The following GBF1 variants were observed in gnomAD, a reference collection of about 807,000 sequenced individuals.
GBF1 encodes golgi brefeldin A resistant guanine nucleotide exchange factor 1.
In GBF1, 114 loss-of-function variants were observed where a neutral mutation model predicts 210.5. That is an observed-to-expected ratio of 0.54 (90% confidence interval 0.47 to 0.63). The LOEUF (loss-of-function observed/expected upper bound fraction) is 0.63, where lower values mean the gene tolerates loss of function less well. Among genes scored for constraint, GBF1 ranks in the 30% least tolerant of loss-of-function variants. The probability of loss-of-function intolerance (pLI) is 0.00; values close to 1 mark genes in which losing one functional copy is unlikely to be tolerated. For synonymous variants in GBF1, 850 were observed against 889.2 expected (o/e 0.96, Z 0.78); for missense variants, 1,851 against 2,357.7 (o/e 0.79, Z 4.45).
intron 4 of GBF1, among the ~76,000 whole-genome samples, chr10:102,345,975 A>G (rs928063029): frequency 1.3e-5 from 2 of 152,134 alleles, no homozygotes; most frequent in Non-Finnish European, 2.9e-5. Context: ...ATAGTGTAAT[A>G]TAGATATAAC....
chr10:102,337,235 G>T (rs924569744), intron 3 of GBF1, among the ~76,000 whole-genome samples: 1 of 151,806 alleles, frequency 6.6e-6, no homozygotes, highest in South Asian at 2.1e-4. Context: ...AAAGTTAGCC[G>T]GGCATGGTGG....
At chr10:102,351,436 TACTC>T in intron 5 of GBF1, 62 bp downstream of exon 5, 2 of 904,516 alleles carry the variant, frequency 2.2e-6, no homozygotes, top group African/African-American at 1.6e-5. Context: ...AGACTCTACT[TACTC>T]TGCCCACAGC....
chr10:102,256,505 T>C (rs868201124), intron 1 of GBF1, among the ~76,000 whole-genome samples: 2 of 151,226 alleles, frequency 1.3e-5, no homozygotes, highest in African/African-American at 4.9e-5. Context: ...TACATTCTCT[T>C]TGTAAAAAAA....
intron 3 of GBF1, among the ~76,000 whole-genome samples, chr10:102,261,735 C>G (rs1268609022): frequency 6.6e-6 from 1 of 151,474 alleles, no homozygotes; most frequent in African/African-American, 2.4e-5. Context: ...GATTTTCGTG[C>G]CTCAGCCTCC....
Position 102,376,986 on chromosome 10 carries a change from G to A in GBF1, c.4340G>A (p.Gly1447Glu), listed in dbSNP as rs369284898. The change falls in exon 33 of 40, where the codon GGG (glycine) becomes GAG (glutamate). Residue 1447 changes from glycine (G) to glutamate (E), a missense_variant. Gly to Glu is a moderately conservative substitution (Grantham distance 98, BLOSUM62 -2). Around this residue, in one of 3 missense-constraint regions of GBF1, gnomAD observed 967 missense variants for 1,247.7 expected, o/e 0.78. Transcript: ENST00000369983. ...AAGAGTCACAAATATGACAGCAAAGGGAACCGCTTCAAGAAGAAATCCAAA... is the reference window on the plus strand; with the variant it reads ...AAGAGTCACAAATATGACAGCAAAGAGAACCGCTTCAAGAAGAAATCCAAA... ...RGKSHKYDSKGNRFKKKSKEG... is the reference protein window; with the variant it reads ...RGKSHKYDSKENRFKKKSKEG... 1.6e-5 allele frequency: 26 copies of A among 1,614,028 alleles called. No homozygotes were observed. Among genetic ancestry groups the A allele is most frequent in the East Asian group, 2.2e-5 (1 of 44,892 alleles).
chr10:102,303,867 T>A (rs1221298743), intron 3 of GBF1, among the ~76,000 whole-genome samples: 1 of 152,250 alleles, frequency 6.6e-6, no homozygotes, highest in African/African-American at 2.4e-5. Context: ...TACATTATTT[T>A]GTTTAATTAT....
rs781027448 is a variant in GBF1, at chr10:102,375,408, C to T, written c.3710C>T (p.Ser1237Phe). The change falls in exon 30 of 40, where the codon TCC becomes TTC. Residue 1237 changes from serine (S) to phenylalanine (F), a missense_variant. Ser to Phe is a radical substitution (Grantham distance 155). Coordinates refer to ENST00000369983, the MANE Select transcript of GBF1 (RefSeq NM_001377137.1). Reference protein sequence around the residue: ...ILLLMKPSVLSRVSHQVAYGL... With the variant: ...ILLLMKPSVLFRVSHQVAYGL... ...CTACTGATGAAGCCCAGTGTGCTAT[C>T]CCGAGTCAGCCACCAGGTTGCGTAT... is the stretch of plus-strand genomic sequence containing the variant. 1 of 1,613,858 alleles carries T rather than the reference C, an allele frequency of 6.2e-7. No homozygotes were observed.
At chr10:102,240,568 A>T (rs1590409074), upstream of GBF1, among the ~76,000 whole-genome samples, 1 of 152,242 alleles carries the variant, frequency 6.6e-6, no homozygotes. Flanking sequence ...CCACCCAGCC[A>T]GGGACATTCT....
chr10:102,298,386 A>G (rs777570746), intron 3 of GBF1, among the ~76,000 whole-genome samples: 1 of 152,228 alleles, frequency 6.6e-6, no homozygotes, highest in Non-Finnish European at 1.5e-5. Flanking sequence ...AGTTAAAGCT[A>G]TTGGCTAAAA....
chr10:102,351,862 TA>T lies in GBF1; in HGVS notation c.436del (p.Thr146ProfsTer7). 3.7e-6 allele frequency: 6 copies of T among 1,601,232 alleles called. No homozygotes were observed. The highest frequency in any genetic ancestry group is 5.1e-6 in the Non-Finnish European group (6 of 1,168,320). On this transcript the variant is annotated frameshift_variant, in exon 6 of 40. Transcript: ENST00000369983. LOFTEE classifies it high-confidence loss of function. ...KILQVLRTLL[L>X]TPVGAHLTNE... ...TGATAGGTTCTACGGACTCTGCTGCTAACCCCAGTGGGTGCCCACCTAACCA... is the reference window on the plus strand; with the variant it reads ...TGATAGGTTCTACGGACTCTGCTGCTACCCCAGTGGGTGCCCACCTAACCA...
intron 3 of GBF1, among the ~76,000 whole-genome samples, chr10:102,300,223 G>C (rs2077225958): frequency 6.6e-6 from 1 of 152,176 alleles, no homozygotes; most frequent in South Asian, 2.1e-4. Context: ...CTTCAGATTA[G>C]ATCTGAAATT....
At chr10:102,248,518 C>G (rs905812016) in intron 1 of GBF1, among the ~76,000 whole-genome samples, 3 of 152,078 alleles carry the variant, frequency 2.0e-5, no homozygotes, top group Non-Finnish European at 4.4e-5. Context: ...AGCTCATGTG[C>G]CTAAATGCCA....
intron 3 of GBF1, among the ~76,000 whole-genome samples, chr10:102,308,297 A>G (rs1277804042): frequency 6.6e-6 from 1 of 152,142 alleles, no homozygotes; most frequent in African/African-American, 2.4e-5. Flanking sequence ...AATACTATAA[A>G]TAAATGAGAA....
intron 3 of GBF1, among the ~76,000 whole-genome samples, chr10:102,340,637 A>G (rs2058121787): frequency 6.6e-6 from 1 of 151,492 alleles, no homozygotes; most frequent in Non-Finnish European, 1.5e-5. Flanking sequence ...TCGAACTCCT[A>G]GACTCAAGGG....
chr10:102,352,616 C>T (rs573305735), intron 7 of GBF1, 98 bp downstream of exon 7: 16 of 798,362 alleles, frequency 2.0e-5, no homozygotes, highest in Admixed American at 1.1e-4. Context: ...ACCCCACAGC[C>T]GCATCAGAGG....
At chr10:102,371,328 G>A (rs1044190847) in intron 29 of GBF1, among the ~76,000 whole-genome samples, 2 of 152,100 alleles carry the variant, frequency 1.3e-5, no homozygotes, top group African/African-American at 2.4e-5. Context: ...CCATTTACAA[G>A]GGTTCCAAAT....
intron 8 of GBF1, among the ~76,000 whole-genome samples, 153 bp downstream of exon 8, chr10:102,353,807 G>A (rs998779413): frequency 1.3e-5 from 2 of 152,264 alleles, no homozygotes; most frequent in East Asian, 1.9e-4. Flanking sequence ...CGTGAGAAAT[G>A]TATTCTCTTC....
At chr10:102,316,247 T>A (rs2078922454) in intron 3 of GBF1, among the ~76,000 whole-genome samples, 1 of 151,958 alleles carries the variant, frequency 6.6e-6, no homozygotes, top group African/African-American at 2.4e-5. Flanking sequence ...CCACCACACC[T>A]GGCTAATTTT....
At chr10:102,254,696 G>A (rs751731222) in intron 1 of GBF1, among the ~76,000 whole-genome samples, 2 of 152,058 alleles carry the variant, frequency 1.3e-5, no homozygotes, top group African/African-American at 2.4e-5. Context: ...AAGGGTGTTA[G>A]TTGGTATTTA....
Sources: gnomAD v4.1 joint callset for allele counts (sites outside exome capture counted in the v4.1 genomes callset) on GRCh38, gnomAD v4.1.1 for gene constraint, gnomAD v4.1.1 regional missense constraint, MANE v1.5 for transcripts, NCBI Gene and HGNC (gene_info 2026-07-23, HGNC 2026-07-21) for gene names.